AGBL4: variants seen among roughly 807,000 people sequenced by gnomAD.
AGBL4 encodes the protein cytosolic carboxypeptidase 6.
AGBL4 carries 58 observed loss-of-function variants against 66.4 expected under a neutral mutation model. The observed-to-expected ratio is 0.87, with a 90% CI of 0.71 to 1.09. The LOEUF (loss-of-function observed/expected upper bound fraction) is 1.09. Among genes scored for constraint, AGBL4 ranks in the 50% least tolerant of loss-of-function variants. The probability of loss-of-function intolerance (pLI) is 0.00; values close to 1 mark genes in which losing one functional copy is unlikely to be tolerated. For synonymous variants in AGBL4, 234 were observed against 222.9 expected (o/e 1.05, Z -0.44); for missense variants, 579 against 631.0 (o/e 0.92, Z 0.88).
chr1:49,294,636 C>T (rs1644604908), intron 3 of AGBL4, among the ~76,000 whole-genome samples: 1 of 152,204 alleles, frequency 6.6e-6, no homozygotes, highest in Admixed American at 6.5e-5. Flanking sequence ...TCTCCAACCT[C>T]ATGTAGCCCA....
chr1:49,164,549 G>T (rs1294905308), intron 4 of AGBL4, among the ~76,000 whole-genome samples: 1 of 152,090 alleles, frequency 6.6e-6, no homozygotes, highest in Non-Finnish European at 1.5e-5. Flanking sequence ...AGATCCCAAA[G>T]GTTCAGAGCT....
chr1:49,496,644 A>G (rs533765697), intron 3 of AGBL4, among the ~76,000 whole-genome samples: 1 of 147,228 alleles, frequency 6.8e-6, no homozygotes, highest in Non-Finnish European at 1.5e-5. Flanking sequence ...CTGTGCCTGT[A>G]TTATTTCACT....
intron 5 of AGBL4, among the ~76,000 whole-genome samples, chr1:48,924,455 T>G (rs377027086): frequency 2.0e-5 from 3 of 152,144 alleles, no homozygotes; most frequent in African/African-American, 7.2e-5. Flanking sequence ...ATAAACCATG[T>G]CTTGCTCATC....
At position 49,516,117 on chromosome 1, in the gene AGBL4, A is replaced by T. The variant is rs565677535; in HGVS notation, c.282+181196T>A. 4.7e-4 allele frequency among the ~76,000 whole-genome samples: 71 copies of T among 151,610 alleles called. 1 individual carries two copies. The highest frequency in any genetic ancestry group is 1.2e-3 in the African/African-American group (50 of 41,398). On this transcript the variant is annotated intron_variant, in intron 3 of 13. Transcript: ENST00000371839. ...CCCAATGGAGGGGGTACTTTTTTCTAACTCACACAAAGATTCATTAGGAGC... is the reference window on the plus strand; with the variant it reads ...CCCAATGGAGGGGGTACTTTTTTCTTACTCACACAAAGATTCATTAGGAGC...
chr1:48,744,803 C>G (rs1650472117), intron 6 of AGBL4, among the ~76,000 whole-genome samples: 1 of 152,204 alleles, frequency 6.6e-6, no homozygotes, highest in Non-Finnish European at 1.5e-5. Context: ...CTCTCTACCG[C>G]TAGGGTTCAT....
At chr1:48,600,541 T>C (rs1234798933) in intron 9 of AGBL4, among the ~76,000 whole-genome samples, 1 of 152,236 alleles carries the variant, frequency 6.6e-6, no homozygotes, top group East Asian at 1.9e-4. Flanking sequence ...ATAAAAGCTG[T>C]TGATATTTAT....
intron 6 of AGBL4, among the ~76,000 whole-genome samples, chr1:48,782,551 T>C (rs1645322019): frequency 6.6e-6 from 1 of 152,236 alleles, no homozygotes; most frequent in Non-Finnish European, 1.5e-5. Flanking sequence ...ATTTTGCCTT[T>C]TTTCCCTGTG....
At chr1:48,606,167 C>A (rs1645150992) in intron 9 of AGBL4, among the ~76,000 whole-genome samples, 1 of 148,594 alleles carries the variant, frequency 6.7e-6, no homozygotes. Flanking sequence ...AGAATATTAT[C>A]AGGCATCAGA....
chr1:48,602,341 C>T (rs961626583), intron 9 of AGBL4, among the ~76,000 whole-genome samples: 9 of 152,196 alleles, frequency 5.9e-5, no homozygotes, highest in Non-Finnish European at 1.3e-4. Flanking sequence ...CTTCTCAGGG[C>T]TCTTTCCACC....
At chr1:48,971,471 T>C (rs1658897577) in intron 5 of AGBL4, among the ~76,000 whole-genome samples, 1 of 151,992 alleles carries the variant, frequency 6.6e-6, no homozygotes, top group Non-Finnish European at 1.5e-5. Flanking sequence ...TGAAATAGTA[T>C]TGAGGGGAAA....
At chr1:49,678,628 AC>A (rs1646626934) in intron 3 of AGBL4, among the ~76,000 whole-genome samples, 1 of 152,100 alleles carries the variant, frequency 6.6e-6, no homozygotes, top group Non-Finnish European at 1.5e-5. Flanking sequence ...TGGTTTAGCT[AC>A]CGGCCACAAA....
At chr1:48,837,703 C>CTATATATATAT (rs1382300748) in intron 6 of AGBL4, among the ~76,000 whole-genome samples, 7 of 97,970 alleles carry the variant, frequency 7.1e-5, no homozygotes, top group Non-Finnish European at 9.8e-5. Context: ...CACACGCACA[C>CTATATATATAT]ACACACACTA....
chr1:49,757,082 C>T (rs1651942689), intron 2 of AGBL4, among the ~76,000 whole-genome samples: 1 of 152,026 alleles, frequency 6.6e-6, no homozygotes, highest in Non-Finnish European at 1.5e-5. Context: ...GGGCAGTTCC[C>T]TCATGCTGTT....
chr1:49,626,746 C>A (rs1023240243), intron 3 of AGBL4, among the ~76,000 whole-genome samples: 1 of 152,068 alleles, frequency 6.6e-6, no homozygotes, highest in African/African-American at 2.4e-5. Context: ...AAGTGGGAGT[C>A]TGTGCTGTTG....
intron 5 of AGBL4, among the ~76,000 whole-genome samples, chr1:49,033,242 A>G (rs1487741162): frequency 6.6e-6 from 1 of 151,962 alleles, no homozygotes; most frequent in African/African-American, 2.4e-5. Flanking sequence ...AAACCACTAC[A>G]CTTGTTTAAT....
Position 49,948,608 on chromosome 1 carries a change from T to C in AGBL4, c.34+75155A>G, listed in dbSNP as rs1426725539. Reference sequence around the variant, plus strand: ...AGAGAGAGAGAGAGAGAGAGAGAGATACACTTAGGAATATACCTAACCAAG... The same window carrying C: ...AGAGAGAGAGAGAGAGAGAGAGAGACACACTTAGGAATATACCTAACCAAG... On this transcript the variant is annotated intron_variant, in intron 1 of 13. Transcript: ENST00000371839. Among the ~76,000 whole-genome samples, 3 of 116,352 alleles carry C rather than the reference T, an allele frequency of 2.6e-5. No individual in the cohort carries two copies. The South Asian group carries it at 7.9e-4, about 30-fold the overall frequency. The allele number at this position is 116,352 out of a possible 152,430, so 76.3% of individuals were successfully genotyped here.
chr1:48,650,954 G>A (rs568347742), intron 8 of AGBL4, among the ~76,000 whole-genome samples: 5 of 152,226 alleles, frequency 3.3e-5, no homozygotes, highest in Admixed American at 2.6e-4. Context: ...GCCTTGGCAA[G>A]TCTCACCAAA....
chr1:49,230,252 G>C (rs1417329471), intron 4 of AGBL4, among the ~76,000 whole-genome samples: 4 of 152,158 alleles, frequency 2.6e-5, no homozygotes, highest in Non-Finnish European at 2.9e-5. Flanking sequence ...TTCATTGAGA[G>C]TTAGGGTCAG....
At chr1:49,364,866 A>C (rs1216902888) in intron 3 of AGBL4, among the ~76,000 whole-genome samples, 3 of 152,236 alleles carry the variant, frequency 2.0e-5, no homozygotes, top group African/African-American at 7.2e-5. Flanking sequence ...GATGGTGAGT[A>C]ATGAAGGAGG....
Sources: allele counts gnomAD v4.1 joint callset (sites outside exome capture counted in the v4.1 genomes callset), GRCh38; gene constraint gnomAD v4.1.1; transcripts MANE v1.5; gene names NCBI Gene and HGNC (gene_info 2026-07-23, HGNC 2026-07-21).